Variants in POLR2J observed in about 807,000 individuals in gnomAD.
POLR2J encodes RNA polymerase II subunit J, also known as DNA-directed RNA polymerase II subunit RPB11-a.
A neutral mutation model predicts 13.4 loss-of-function variants in POLR2J; 12 were observed. The observed-to-expected ratio is 0.90, with a 90% CI of 0.57 to 1.45. The LOEUF (loss-of-function observed/expected upper bound fraction) is 1.45, where lower values mean the gene tolerates loss of function less well. POLR2J is among the 40% of genes most tolerant of loss of function. The pLI is 0.00. For missense variants in POLR2J, 58 were observed against 132.0 expected (o/e 0.44, Z 2.75); for synonymous variants, 31 against 53.6 (o/e 0.58, Z 1.84).
rs777024173 is a variant in POLR2J, at chr7:102,478,893, G to T, written c.-33C>A. 23 of 1,609,698 alleles carry T rather than the reference G, an allele frequency of 1.4e-5. No homozygotes were observed. The highest frequency in any genetic ancestry group is 2.0e-5 in the Non-Finnish European group (23 of 1,179,416). On this transcript the variant is annotated 5_prime_UTR_variant, in exon 1 of 4. Transcript: ENST00000292614. The stretch of plus-strand genomic sequence containing the variant: ...CCGCCGTTGCGTCCAGACCCCAAGG[G>T]TCCGCCGCCGCCGCCACCAGAGCCC...
intron 2 of POLR2J, 109 bp downstream of exon 2, chr7:102,476,072 C>G (rs1049385229): frequency 1.7e-6 from 1 of 588,634 alleles, no homozygotes; most frequent in African/African-American, 1.9e-5. Flanking sequence ...AGCAAGCCCC[C>G]AGAAGGACTT....
chr7:102,478,758 G>C (rs1798499867), intron 1 of POLR2J, 50 bp downstream of exon 1: 1 of 1,607,044 alleles, frequency 6.2e-7, no homozygotes, highest in Non-Finnish European at 8.5e-7. Context: ...CCCAGAATGC[G>C]ACAGCCGCAG....
Position 102,473,282 on chromosome 7 carries a change from G to A in POLR2J, c.*367C>T. On this transcript the variant is annotated 3_prime_UTR_variant, in exon 4 of 4. Transcript: ENST00000292614. ...GAGACTCTTGGGAGCTCATGGGTTT[G>A]CACACTTCTCTCCGGCTCAGCACAG... The A allele has an allele frequency of 3.3e-6, 2 of 602,812 alleles. No homozygotes were observed. 37.3% of individuals were successfully genotyped at this position (602,812 alleles called of 1,614,324 possible).
rs1354719205 is a variant in POLR2J at position 102,473,275 on chromosome 7, TG to T, written c.*373del. The stretch of plus-strand genomic sequence containing the variant: ...TAGAGCAGAGACTCTTGGGAGCTCA[TG>T]GGTTTGCACACTTCTCTCCGGCTCA... On this transcript the variant is annotated 3_prime_UTR_variant, in exon 4 of 4. Coordinates refer to ENST00000292614, the MANE Select transcript of POLR2J (RefSeq NM_006234.6). The T allele has an allele frequency of 1.6e-6, 1 of 615,820 alleles. No individual in the cohort carries two copies. The highest frequency in any genetic ancestry group is 2.8e-6 in the Non-Finnish European group (1 of 362,976). The allele number at this position is 615,820 out of a possible 1,614,324, so 38.1% of individuals were successfully genotyped here.
chr7:102,474,656 GTCT>G (rs1159057087), intron 2 of POLR2J, 121 bp from the exon 3 acceptor site: 1 of 1,185,050 alleles, frequency 8.4e-7, no homozygotes, highest in African/African-American at 1.5e-5. Flanking sequence ...TTCCCAAAAA[GTCT>G]TCAAGGAAAG....
intron 2 of POLR2J, among the ~76,000 whole-genome samples, chr7:102,475,199 T>C (rs3988036): frequency 0.59 from 89,545 of 152,002 alleles, 28,060 homozygotes; most frequent in Non-Finnish European, 0.71. Context: ...CCTCCATCCC[T>C]GCGCCTGCCC....
chr7:102,473,181 G>A lies in POLR2J; in HGVS notation c.*468C>T, dbSNP rs111732861. 2,601 of 1,080,128 alleles carry A rather than the reference G, an allele frequency of 2.4e-3. 50 individuals are homozygous for A. The African/African-American group carries it at 0.037, about 15-fold the overall frequency. 66.9% of individuals were successfully genotyped at this position (1,080,128 alleles called of 1,614,324 possible). On this transcript the variant is annotated 3_prime_UTR_variant, in exon 4 of 4. Transcript: ENST00000292614. ...CTGTGGACAAGAAGCCTGTGGAAAG[G>A]TGTTTCGAGTTATGCAGGAAGAAGT... is the stretch of plus-strand genomic sequence containing the variant.
chr7:102,475,939 A>AAAAT, intron 2 of POLR2J, among the ~76,000 whole-genome samples: 1 of 105,782 alleles, frequency 9.5e-6, no homozygotes, highest in Non-Finnish European at 2.5e-5. Context: ...CAAACAAACA[A>AAAAT]ACAGTGAATG....
chr7:102,473,195 G>A lies in POLR2J; in HGVS notation c.*454C>T, dbSNP rs1401790552. 13 of 959,224 alleles carry A rather than the reference G, an allele frequency of 1.4e-5. No homozygotes were observed. Among genetic ancestry groups the A allele is most frequent in the African/African-American group, 3.3e-5 (2 of 60,248 alleles). 59.4% of individuals were successfully genotyped at this position (959,224 alleles called of 1,614,324 possible). On this transcript the variant is annotated 3_prime_UTR_variant, in exon 4 of 4. Coordinates refer to ENST00000292614, the MANE Select transcript of POLR2J (RefSeq NM_006234.6). ...CCTGTGGAAAGGTGTTTCGAGTTAT[G>A]CAGGAAGAAGTGTTCCTGCTTTGAC...
intron 3 of POLR2J, 184 bp from the exon 4 acceptor site, chr7:102,473,868 GC>G (rs1798324606): frequency 6.9e-7 from 1 of 1,442,356 alleles, no homozygotes; most frequent in African/African-American, 1.4e-5. Flanking sequence ...CTCTATGGCA[GC>G]CCCGGCAGGA....
At chr7:102,478,497 A>C (rs1798488286) in intron 1 of POLR2J, among the ~76,000 whole-genome samples, 1 of 151,914 alleles carries the variant, frequency 6.6e-6, no homozygotes, top group Non-Finnish European at 1.5e-5. Context: ...GGCGAGAGAC[A>C]AAAGAGGAAG....
At position 102,473,296 on chromosome 7, in the gene POLR2J, G is replaced by C. The variant is rs1050619759; in HGVS notation, c.*353C>G. On this transcript the variant is annotated 3_prime_UTR_variant, in exon 4 of 4. Coordinates refer to ENST00000292614, the MANE Select transcript of POLR2J (RefSeq NM_006234.6). ...CTCATGGGTTTGCACACTTCTCTCC[G>C]GCTCAGCACAGCCCCCGCAGCAGCC... The C allele has an allele frequency of 3.4e-6, 2 of 580,714 alleles. No homozygotes were observed. Among genetic ancestry groups the C allele is most frequent in the Non-Finnish European group, 3.0e-6 (1 of 338,554 alleles). 36.0% of individuals were successfully genotyped at this position (580,714 alleles called of 1,614,324 possible).
Position 102,473,595 on chromosome 7 carries a change from G to A in POLR2J, c.*54C>T. On this transcript the variant is annotated 3_prime_UTR_variant, in exon 4 of 4. Transcript: ENST00000292614. ...CTCGGTGTGGTACCTGGAGCGGAGG[G>A]TCAGGCACAGGTAGGAACGGGGCTC... 1 of 1,590,980 alleles carries A rather than the reference G, an allele frequency of 6.3e-7. No individual in the cohort carries two copies. Among genetic ancestry groups the A allele is most frequent in the South Asian group, 1.1e-5 (1 of 88,760 alleles).
In POLR2J at chr7:102,473,576, G is replaced by C; in HGVS notation, c.*73C>G. 6.7e-7 allele frequency: 1 copy of C among 1,489,258 alleles called. No individual in the cohort carries two copies. Among genetic ancestry groups the C allele is most frequent in the Non-Finnish European group, 8.9e-7 (1 of 1,129,034 alleles). The allele number at this position is 1,489,258 out of a possible 1,614,324, so 92.3% of individuals were successfully genotyped here. ...GCTGGGACCGGCCGCTCTCCTCGGT[G>C]TGGTACCTGGAGCGGAGGGTCAGGC... On this transcript the variant is annotated 3_prime_UTR_variant, in exon 4 of 4. Transcript: ENST00000292614.
In POLR2J at chr7:102,475,555, C is replaced by T. The variant is rs879413451; in HGVS notation, c.143+626G>A. Among the ~76,000 whole-genome samples, 1,273 of 151,698 alleles carry T rather than the reference C, an allele frequency of 8.4e-3. 10 individuals are homozygous for T. Among genetic ancestry groups the T allele is most frequent in the South Asian group, 0.015 (74 of 4,782 alleles). Reference sequence around the variant, plus strand: ...AGCTAATCTTGACTGCTTTTCAATGCCCCTCAGCATGAATAACACACAGGC... The same window carrying T: ...AGCTAATCTTGACTGCTTTTCAATGTCCCTCAGCATGAATAACACACAGGC... On this transcript the variant is annotated intron_variant, in intron 2 of 3. Transcript: ENST00000292614.
intron 1 of POLR2J, among the ~76,000 whole-genome samples, chr7:102,476,489 A>G (rs1486971731): frequency 4.7e-5 from 7 of 150,432 alleles, no homozygotes; most frequent in African/African-American, 1.5e-4. Context: ...AGAAAAAAAA[A>G]ATTAGCTGAG....
In POLR2J at chr7:102,473,495, T is replaced by C; in HGVS notation, c.*154A>G. 2 of 933,408 alleles carry C rather than the reference T, an allele frequency of 2.1e-6. No homozygotes were observed. Among genetic ancestry groups the C allele is most frequent in the Non-Finnish European group, 2.9e-6 (2 of 693,068 alleles). The allele number at this position is 933,408 out of a possible 1,614,324, so 57.8% of individuals were successfully genotyped here. On this transcript the variant is annotated 3_prime_UTR_variant, in exon 4 of 4. Coordinates refer to ENST00000292614, the MANE Select transcript of POLR2J (RefSeq NM_006234.6). ...ACTTTATTAGGAATATAAAACCTAA[T>C]CTATGTACAGGACACGTCGGTGTCA...
Position 102,473,194 on chromosome 7 carries a change from T to G in POLR2J, c.*455A>C, listed in dbSNP as rs1017095044. ...GCCTGTGGAAAGGTGTTTCGAGTTATGCAGGAAGAAGTGTTCCTGCTTTGA... is the reference window on the plus strand; with the variant it reads ...GCCTGTGGAAAGGTGTTTCGAGTTAGGCAGGAAGAAGTGTTCCTGCTTTGA... On this transcript the variant is annotated 3_prime_UTR_variant, in exon 4 of 4. Transcript: ENST00000292614. 1 of 983,720 alleles carries G rather than the reference T, an allele frequency of 1.0e-6. No homozygotes were observed. The highest frequency in any genetic ancestry group is 1.6e-5 in the African/African-American group (1 of 60,732). The allele number at this position is 983,720 out of a possible 1,614,324, so 60.9% of individuals were successfully genotyped here.
chr7:102,473,641 T>TGGCCCCTA lies in POLR2J; in HGVS notation c.*7_*8insTAGGGGCC. The TGGCCCCTA allele has an allele frequency of 6.3e-7, 1 of 1,598,746 alleles. No individual in the cohort carries two copies. Among genetic ancestry groups the TGGCCCCTA allele is most frequent in the East Asian group, 2.3e-5 (1 of 42,796 alleles). On this transcript the variant is annotated 3_prime_UTR_variant, in exon 4 of 4. Coordinates refer to ENST00000292614, the MANE Select transcript of POLR2J (RefSeq NM_006234.6). ...GGCTCACAGGCCGAGCAGAGCCCCC[T>TGGCCCCTA]CTGGCCCCTACTCAATTCCTTCCTG... is the stretch of plus-strand genomic sequence containing the variant.
Sources: allele counts gnomAD v4.1 joint callset (sites outside exome capture counted in the v4.1 genomes callset), GRCh38; gene constraint gnomAD v4.1.1; transcripts MANE v1.5; gene names NCBI Gene and HGNC (gene_info 2026-07-23, HGNC 2026-07-21).